Variants in ANO2 observed in about 807,000 individuals in gnomAD.
ANO2 encodes anoctamin 2.
A neutral mutation model predicts 124.2 loss-of-function variants in ANO2; 101 were observed. The observed-to-expected ratio is 0.81, with a 90% CI of 0.69 to 0.96. The LOEUF (loss-of-function observed/expected upper bound fraction) is 0.96. ANO2 is among the 40% of genes least tolerant of loss of function. The pLI, the probability that ANO2 is intolerant of heterozygous loss-of-function variation, is 0.00. For missense variants in ANO2, 1,293 were observed against 1,274.5 expected (o/e 1.01, Z -0.22); for synonymous variants, 486 against 482.5 (o/e 1.01, Z -0.09).
chr12:5,647,871 C>T (rs1163479963), intron 14 of ANO2, 70 bp from the exon 15 acceptor site: 23 of 1,106,980 alleles, frequency 2.1e-5, no homozygotes, highest in Non-Finnish European at 2.8e-5. Context: ...CTCTCATTTG[C>T]ATATATTTGC....
At chr12:5,601,247 T>A (rs1478407573) in intron 19 of ANO2, among the ~76,000 whole-genome samples, 1 of 152,146 alleles carries the variant, frequency 6.6e-6, no homozygotes, top group Non-Finnish European at 1.5e-5. Context: ...GTTAAGAGCA[T>A]GTACCAAGAT....
rs1316348351 is a variant in ANO2, at chr12:5,908,615, A to G, written c.534+12425T>C. ...GACCCAGGGTTCCCTAGGAGGCATTAGGCCATAAATGGCAATTTCCATGAA... is the reference window on the plus strand; with the variant it reads ...GACCCAGGGTTCCCTAGGAGGCATTGGGCCATAAATGGCAATTTCCATGAA... On this transcript the variant is annotated intron_variant, in intron 3 of 24. Transcript: ENST00000682330. The surrounding 1 kb of genome is among the most constrained non-coding windows in gnomAD (Gnocchi z 4.7). 6.6e-6 allele frequency among the ~76,000 whole-genome samples: 1 copy of G among 152,228 alleles called. No individual in the cohort carries two copies. Among genetic ancestry groups the G allele is most frequent in the Non-Finnish European group, 1.5e-5 (1 of 68,032 alleles).
chr12:5,716,924 C>T (rs180848364), intron 14 of ANO2, among the ~76,000 whole-genome samples: 106 of 152,284 alleles, frequency 7.0e-4, no homozygotes, highest in African/African-American at 2.4e-3. Context: ...TACAGGCCCA[C>T]GGCCCTAGAC....
chr12:5,653,520 T>G (rs1947014490), intron 14 of ANO2, among the ~76,000 whole-genome samples: 1 of 152,228 alleles, frequency 6.6e-6, no homozygotes, highest in Admixed American at 6.5e-5. Flanking sequence ...CTTTCCTTAC[T>G]GAGCACTCAA....
rs377575222 is a variant in ANO2 at position 5,719,339 on chromosome 12, A to G, written c.1545+13181T>C. 2.6e-5 allele frequency among the ~76,000 whole-genome samples: 4 copies of G among 152,318 alleles called. No individual in the cohort carries two copies. In the East Asian group the frequency reaches 7.7e-4, roughly 29 times the overall value. On this transcript the variant is annotated intron_variant, in intron 14 of 24. Transcript: ENST00000682330. ...CACACACTCACAGTTGGAGCTGCCC[A>G]TAACAGTGACTGACAGGACCTCACA... is the stretch of plus-strand genomic sequence containing the variant.
At chr12:5,911,499 G>A (rs1030614023) in intron 3 of ANO2, among the ~76,000 whole-genome samples, 1 of 152,198 alleles carries the variant, frequency 6.6e-6, no homozygotes, top group Non-Finnish European at 1.5e-5. Flanking sequence ...ACTGTCCCCC[G>A]AGTCTCTCTT....
rs985011307 is a variant in ANO2, at chr12:5,610,614, T to C, written c.2087+2042A>G. Among the ~76,000 whole-genome samples the C allele has an allele frequency of 1.0e-3, 147 of 143,502 alleles. 1 individual carries two copies. The highest frequency in any genetic ancestry group is 3.0e-3 in the African/African-American group (119 of 39,446). 94.1% of individuals were successfully genotyped at this position (143,502 alleles called of 152,430 possible). On this transcript the variant is annotated intron_variant, in intron 19 of 24. Coordinates refer to ENST00000682330, the MANE Select transcript of ANO2 (RefSeq NM_001364791.2). ...TTATAAATATATTTATATTTATATA[T>C]GTATATATTTATATATATGTATATA...
chr12:5,569,358 T>TG (rs56004441), intron 23 of ANO2, among the ~76,000 whole-genome samples: 144,308 of 152,240 alleles, frequency 0.95, 68,832 homozygotes, highest in East Asian at 1. Flanking sequence ...CTGCCAGCCG[T>TG]GCCCCCAAAG....
intron 20 of ANO2, among the ~76,000 whole-genome samples, chr12:5,589,852 A>C (rs957281804): frequency 1.3e-5 from 2 of 152,086 alleles, no homozygotes; most frequent in Non-Finnish European, 2.9e-5. Context: ...CCTGGACCAC[A>C]GGACATGGAG....
intron 14 of ANO2, among the ~76,000 whole-genome samples, chr12:5,704,659 G>A (rs540378203): frequency 1.3e-5 from 2 of 151,866 alleles, no homozygotes; most frequent in Admixed American, 6.6e-5. Context: ...AGTCCCCACC[G>A]TGAGCTTCTT....
At chr12:5,868,207 A>G (rs900463100) in intron 3 of ANO2, among the ~76,000 whole-genome samples, 1 of 152,176 alleles carries the variant, frequency 6.6e-6, no homozygotes, top group African/African-American at 2.4e-5. Flanking sequence ...TACCCACAAA[A>G]GTTAAAAATG....
chr12:5,620,528 T>C (rs148449323), intron 16 of ANO2, among the ~76,000 whole-genome samples: 5 of 152,178 alleles, frequency 3.3e-5, no homozygotes, highest in African/African-American at 7.2e-5. Flanking sequence ...TGGAATTCTA[T>C]AGGGGCTAAA....
upstream of ANO2, among the ~76,000 whole-genome samples, chr12:5,945,590 T>C (rs2136331888): frequency 6.6e-6 from 1 of 152,338 alleles, no homozygotes; most frequent in South Asian, 2.1e-4. Context: ...AGTCGGATTA[T>C]CTCATGAACT....
At chr12:5,620,425 G>C (rs1945054036) in intron 16 of ANO2, among the ~76,000 whole-genome samples, 1 of 152,206 alleles carries the variant, frequency 6.6e-6, no homozygotes, top group Admixed American at 6.5e-5. Context: ...AAAGAGCATT[G>C]CCCGCTAGGG....
At chr12:5,928,349 G>A (rs1942184799) in intron 1 of ANO2, among the ~76,000 whole-genome samples, 1 of 152,216 alleles carries the variant, frequency 6.6e-6, no homozygotes, top group Non-Finnish European at 1.5e-5. Context: ...GGGCTGCCCT[G>A]TGGGAGACAG....
intron 10 of ANO2, among the ~76,000 whole-genome samples, chr12:5,792,463 T>G (rs968720595): frequency 3.0e-4 from 46 of 152,350 alleles, no homozygotes; most frequent in Non-Finnish European, 5.6e-4. Flanking sequence ...TGTGATGACC[T>G]AAGTCAGCCA....
At chr12:5,668,744 A>C (rs10849317) in intron 14 of ANO2, among the ~76,000 whole-genome samples, 1 of 152,024 alleles carries the variant, frequency 6.6e-6, no homozygotes, top group Non-Finnish European at 1.5e-5. Flanking sequence ...AAAGGGGTCC[A>C]GTTTCAATTT....
intron 3 of ANO2, among the ~76,000 whole-genome samples, chr12:5,919,037 G>A (rs1941541964): frequency 6.6e-6 from 1 of 152,180 alleles, no homozygotes; most frequent in Admixed American, 6.5e-5. Flanking sequence ...TGTGCAGCGA[G>A]CCAAACAAGA....
chr12:5,630,105 G>A (rs1265476374), intron 16 of ANO2, among the ~76,000 whole-genome samples: 2 of 152,184 alleles, frequency 1.3e-5, no homozygotes, highest in Non-Finnish European at 2.9e-5. Context: ...CCAGGAAACT[G>A]GTCTTCCATT....
Sources: gnomAD v4.1 joint callset for allele counts (sites outside exome capture counted in the v4.1 genomes callset) on GRCh38, gnomAD v4.1.1 for gene constraint, Gnocchi (gnomAD v3.1) non-coding constraint, MANE v1.5 for transcripts, NCBI Gene and HGNC (gene_info 2026-07-23, HGNC 2026-07-21) for gene names.